HS6ST2: variants seen among roughly 807,000 people sequenced by gnomAD.
HS6ST2 encodes heparan-sulfate 6-O-sulfotransferase 2.
HS6ST2 carries 17 observed loss-of-function variants against 33.0 expected under a neutral mutation model. That is an observed-to-expected ratio of 0.52 (90% CI 0.35 to 0.77). HS6ST2 has a LOEUF of 0.77. Ranked by LOEUF, HS6ST2 falls within the 30% of genes least tolerant of loss-of-function variation. The probability of loss-of-function intolerance (pLI) is 0.01; values close to 1 mark genes in which losing one functional copy is unlikely to be tolerated. For missense variants in HS6ST2, 519 were observed against 551.7 expected, an observed-to-expected ratio of 0.94 and a Z score of 0.59; for synonymous variants, 248 against 237.1, an observed-to-expected ratio of 1.05 and a Z score of -0.42.
intron 2 of HS6ST2, among the ~76,000 whole-genome samples, chrX:132,769,808 T>C (rs1034360787): frequency 9.0e-6 from 1 of 111,198 alleles, no homozygotes; most frequent in Non-Finnish European, 1.9e-5. Flanking sequence ...GAATGTCTGG[T>C]TTTAATAAGT....
intron 3 of HS6ST2, among the ~76,000 whole-genome samples, chrX:132,703,562 T>G (rs193111075): frequency 1.8e-5 from 2 of 112,399 alleles, no homozygotes; most frequent in East Asian, 5.6e-4. Flanking sequence ...GCCTGCAGTT[T>G]CTGTAGAAAT....
At chrX:132,714,840 A>G (rs1204290563) in intron 2 of HS6ST2, among the ~76,000 whole-genome samples, 4 of 111,563 alleles carry the variant, frequency 3.6e-5, no homozygotes, top group Non-Finnish European at 5.6e-5. Context: ...AGGGAAGGAC[A>G]CATGGGCATG....
chrX:132,781,464 A>T (rs2065016151), intron 2 of HS6ST2, among the ~76,000 whole-genome samples: 1 of 111,639 alleles, frequency 9.0e-6, no homozygotes, highest in African/African-American at 3.3e-5. Context: ...AAACAAAACC[A>T]CAACACAGAG....
intron 2 of HS6ST2, among the ~76,000 whole-genome samples, chrX:132,736,457 C>T (rs974518718): frequency 2.7e-5 from 3 of 111,679 alleles, no homozygotes; most frequent in African/African-American, 9.8e-5. Context: ...TTCTAGATTG[C>T]TTAGCCTATG....
chrX:132,813,115 A>T (rs1025103752), intron 2 of HS6ST2, among the ~76,000 whole-genome samples: 3 of 111,807 alleles, frequency 2.7e-5, no homozygotes, highest in Non-Finnish European at 5.6e-5. Context: ...TCCATTCCTC[A>T]TTCAGTTTCC....
At chrX:132,933,550 A>T (rs2066796403) in intron 2 of HS6ST2, among the ~76,000 whole-genome samples, 1 of 110,873 alleles carries the variant, frequency 9.0e-6, no homozygotes, top group Admixed American at 9.7e-5. Flanking sequence ...AACAGAAAAG[A>T]AAAAAAAATC....
rs1267918396 is a variant in HS6ST2, at chrX:132,626,305, T to A, written c.*1918A>T. ...TCATCCTGCTTTCCAACAATACCTA[T>A]CAGTTTTAAAAGCAAACATTTTCAA... On this transcript the variant is annotated 3_prime_UTR_variant, in exon 5 of 5. Coordinates refer to ENST00000370833, the MANE Select transcript of HS6ST2 (RefSeq NM_001394073.1). 1 of 112,551 alleles carries A rather than the reference T, an allele frequency of 8.9e-6. No individual in the cohort carries two copies. Among genetic ancestry groups the A allele is most frequent in the Non-Finnish European group, 1.9e-5 (1 of 53,244 alleles). The allele number at this position is 112,551 out of a possible 1,213,427, so 9.3% of individuals were successfully genotyped here.
Position 132,839,430 on chromosome X carries a change from T to A in HS6ST2, c.947+117378A>T, listed in dbSNP as rs541469770. Among the ~76,000 whole-genome samples the A allele has an allele frequency of 1.3e-4, 10 of 74,881 alleles. No homozygotes were observed. In the South Asian group the frequency reaches 6.3e-3, roughly 47 times the overall value. The allele number at this position is 74,881 out of a possible 115,157, so 65.0% of individuals were successfully genotyped here. A position where few individuals can be genotyped will look rare whatever the true frequency, so the allele number is the denominator to read the frequency against. ...GATGTAACTGACGGCCATTATCTTA[T>A]GTCAAACAACTCAGAAACAGTCAAA... On this transcript the variant is annotated intron_variant, in intron 2 of 4. Transcript: ENST00000370833.
At chrX:132,689,513 C>A (rs769981339) in intron 3 of HS6ST2, among the ~76,000 whole-genome samples, 1 of 111,717 alleles carries the variant, frequency 9.0e-6, no homozygotes, top group East Asian at 2.8e-4. Flanking sequence ...AAAAAAATTC[C>A]CCTTAATCTC....
intron 2 of HS6ST2, among the ~76,000 whole-genome samples, chrX:132,709,595 A>G (rs2148250825): frequency 9.0e-6 from 1 of 110,919 alleles, no homozygotes; most frequent in South Asian, 3.9e-4. Flanking sequence ...GGTGAGGCCT[A>G]ACATCAAATC....
chrX:132,668,242 G>A (rs2063824817), intron 4 of HS6ST2: 1 of 111,590 alleles, frequency 9.0e-6, no homozygotes, highest in African/African-American at 3.3e-5. Flanking sequence ...AGAGCTTTTA[G>A]CATGATGAAG....
rs142413022 is a variant in HS6ST2 at position 132,834,601 on chromosome X, G to A, written c.947+122207C>T. ...CTGAATACTTCATTTCCAAGTGTAAGATAAACTCAATGAAAAAGATATAAT... is the reference window on the plus strand; with the variant it reads ...CTGAATACTTCATTTCCAAGTGTAAAATAAACTCAATGAAAAAGATATAAT... On this transcript the variant is annotated intron_variant, in intron 2 of 4. Transcript: ENST00000370833. Among the ~76,000 whole-genome samples, 9 of 112,193 alleles carry A rather than the reference G, an allele frequency of 8.0e-5. No individual in the cohort carries two copies. The South Asian group carries it at 2.2e-3, about 28-fold the overall frequency.
chrX:132,816,301 T>A (rs1602709415), intron 2 of HS6ST2, among the ~76,000 whole-genome samples: 1 of 112,124 alleles, frequency 8.9e-6, no homozygotes, highest in East Asian at 2.8e-4. Flanking sequence ...TTTGAATTAA[T>A]AGGGGCTCAA....
At chrX:132,730,145 C>T (rs929017162) in intron 2 of HS6ST2, among the ~76,000 whole-genome samples, 6 of 111,647 alleles carry the variant, frequency 5.4e-5, no homozygotes, top group Non-Finnish European at 9.4e-5. Flanking sequence ...AGCAGAAGAG[C>T]TGGGGTTACA....
chrX:132,718,158 T>A (rs1475700512), intron 2 of HS6ST2, among the ~76,000 whole-genome samples: 1 of 112,021 alleles, frequency 8.9e-6, no homozygotes, highest in African/African-American at 3.2e-5. Context: ...CATTTCATCC[T>A]GAACAAAAGT....
chrX:132,895,715 C>T (rs73562230), intron 2 of HS6ST2, among the ~76,000 whole-genome samples: 1,901 of 110,900 alleles, frequency 0.017, 22 homozygotes, highest in African/African-American at 0.059. Flanking sequence ...TGGCAGCTGG[C>T]CATACTTGTT....
chrX:132,787,161 A>C, intron 2 of HS6ST2, among the ~76,000 whole-genome samples: 1 of 56,593 alleles, frequency 1.8e-5, no homozygotes, highest in African/African-American at 9.5e-5. Context: ...GTGTGTATAT[A>C]TATATGTATA....
chrX:132,684,246 C>G (rs1366175400), intron 3 of HS6ST2, among the ~76,000 whole-genome samples: 1 of 102,431 alleles, frequency 9.8e-6, no homozygotes, highest in Non-Finnish European at 2.0e-5. Context: ...TATATATACA[C>G]ACACACATAT....
At chrX:132,850,437 CA>C (rs2065791821) in intron 2 of HS6ST2, among the ~76,000 whole-genome samples, 1 of 111,058 alleles carries the variant, frequency 9.0e-6, no homozygotes, top group Non-Finnish European at 1.9e-5. Flanking sequence ...TGCAATATAC[CA>C]GTACAAATCA....
Sources: gnomAD v4.1 joint callset for allele counts (sites outside exome capture counted in the v4.1 genomes callset) on GRCh38, gnomAD v4.1.1 for gene constraint, MANE v1.5 for transcripts, NCBI Gene and HGNC (gene_info 2026-07-23, HGNC 2026-07-21) for gene names.